HECW1: variants seen among roughly 807,000 people sequenced by gnomAD.
The protein encoded by HECW1 is HECT, C2 and WW domain containing E3 ubiquitin protein ligase 1, also known as E3 ubiquitin-protein ligase HECW1.
Under a neutral mutation model 182.3 loss-of-function variants are expected in HECW1, and 61 were observed. The ratio of observed to expected loss-of-function variants is 0.33; its 90% confidence interval spans 0.27 to 0.41. The LOEUF (loss-of-function observed/expected upper bound fraction) is 0.41, where lower values mean the gene tolerates loss of function less well. HECW1 is among the 10% of genes least tolerant of loss of function. The probability of loss-of-function intolerance (pLI) is 1.00; values close to 1 mark genes in which losing one functional copy is unlikely to be tolerated. For missense variants in HECW1, 1,739 were observed against 2,108.9 expected (o/e 0.82, Z 3.44); for synonymous variants, 859 against 832.6 (o/e 1.03, Z -0.55).
chr7:43,530,870 A>G (rs922704390), intron 24 of HECW1, among the ~76,000 whole-genome samples: 5 of 152,164 alleles, frequency 3.3e-5, no homozygotes, highest in African/African-American at 1.2e-4. Context: ...CCTAAAATCT[A>G]TATCCTTCAT....
chr7:43,487,952 CA>C (rs113183444), intron 17 of HECW1, among the ~76,000 whole-genome samples: 6 of 132,844 alleles, frequency 4.5e-5, no homozygotes, highest in African/African-American at 1.3e-4. Flanking sequence ...GAGACTGTCT[CA>C]AAAAAAAAGG....
At chr7:43,390,516 G>T (rs1309500438) in intron 6 of HECW1, among the ~76,000 whole-genome samples, 1 of 146,890 alleles carries the variant, frequency 6.8e-6, no homozygotes, top group Non-Finnish European at 1.5e-5. Context: ...ATCCAGCCTG[G>T]GTGGCACAGC....
chr7:43,365,926 T>C (rs1381817806), intron 6 of HECW1, among the ~76,000 whole-genome samples: 1 of 151,978 alleles, frequency 6.6e-6, no homozygotes, highest in Non-Finnish European at 1.5e-5. Context: ...AAACCCCATC[T>C]CTATAAAAAA....
chr7:43,340,630 G>C (rs528029701), intron 5 of HECW1, among the ~76,000 whole-genome samples: 2 of 151,734 alleles, frequency 1.3e-5, no homozygotes, highest in African/African-American at 4.9e-5. Flanking sequence ...TTTTTTGATT[G>C]TTTTTGAATT....
chr7:43,332,339 A>G (rs966384920), intron 5 of HECW1, among the ~76,000 whole-genome samples: 6 of 152,220 alleles, frequency 3.9e-5, no homozygotes, highest in African/African-American at 1.4e-4. Flanking sequence ...AAAGACTTCA[A>G]CAACCCAAGG....
Position 43,564,547 on chromosome 7 carries a change from A to G in HECW1, c.*2621A>G, listed in dbSNP as rs111465018. 7.9e-3 allele frequency: 1,483 copies of G among 188,200 alleles called. 21 individuals carry two copies. The highest frequency in any genetic ancestry group is 0.032 in the African/African-American group (1,375 of 42,974). 11.7% of individuals were successfully genotyped at this position (188,200 alleles called of 1,614,324 possible). On this transcript the variant is annotated 3_prime_UTR_variant, in exon 30 of 30. Coordinates refer to ENST00000395891, the MANE Select transcript of HECW1 (RefSeq NM_015052.5). ...CAGCTATAGATCTATCCCACAAAGCATAACAGGAACATTCTTTCACAAAAG... is the reference window on the plus strand; with the variant it reads ...CAGCTATAGATCTATCCCACAAAGCGTAACAGGAACATTCTTTCACAAAAG...
intron 28 of HECW1, among the ~76,000 whole-genome samples, chr7:43,553,786 G>T (rs1004793615): frequency 2.0e-5 from 3 of 151,718 alleles, no homozygotes; most frequent in African/African-American, 7.3e-5. Context: ...ACTGTTGCCT[G>T]CATATTTCCT....
chr7:43,486,553 G>A (rs549954855), intron 17 of HECW1, among the ~76,000 whole-genome samples: 4 of 152,232 alleles, frequency 2.6e-5, no homozygotes, highest in East Asian at 1.9e-4. Flanking sequence ...CACCTGCCTC[G>A]GCCTCCCAAA....
At chr7:43,294,036 C>T (rs927704291) in intron 3 of HECW1, among the ~76,000 whole-genome samples, 1 of 152,194 alleles carries the variant, frequency 6.6e-6, no homozygotes, top group Non-Finnish European at 1.5e-5. Flanking sequence ...AAAACACCCC[C>T]CACCACACAC....
chr7:43,422,269 C>T (rs989927031), intron 8 of HECW1, among the ~76,000 whole-genome samples: 2 of 152,116 alleles, frequency 1.3e-5, no homozygotes, highest in African/African-American at 2.4e-5. Context: ...TGCCAGACAA[C>T]TTAAAGAGTC....
intron 2 of HECW1, among the ~76,000 whole-genome samples, chr7:43,128,199 A>T (rs1463007724): frequency 1.3e-5 from 2 of 152,206 alleles, no homozygotes; most frequent in Non-Finnish European, 2.9e-5. Flanking sequence ...TTTTCAATGC[A>T]GATAAAACAA....
chr7:43,425,201 T>C (rs2076317537), intron 8 of HECW1, among the ~76,000 whole-genome samples: 1 of 148,662 alleles, frequency 6.7e-6, no homozygotes, highest in African/African-American at 2.5e-5. Context: ...CAGAAGTGGA[T>C]ATTTTATATA....
rs1461861336 is a variant in HECW1, at chr7:43,445,458, C to T, written c.2286C>T (p.Ser762=). Residue 762 remains serine (S), a synonymous_variant, in exon 11 of 30, where the codon TCC becomes TCT. Coordinates refer to ENST00000395891, the MANE Select transcript of HECW1 (RefSeq NM_015052.5). ...SMQSPELDPE[S]TNGAGPWQDE... ...AGAGCCCTGAGCTGGACCCGGAGTC[C>T]ACGAACGGCGCTGGGCCGTGGCAAG... The T allele has an allele frequency of 6.2e-7, 1 of 1,613,006 alleles. No individual in the cohort carries two copies. The highest frequency in any genetic ancestry group is 1.1e-5 in the South Asian group (1 of 91,084).
chr7:43,560,874 G>A (rs1334397301), intron 29 of HECW1, among the ~76,000 whole-genome samples: 1 of 152,182 alleles, frequency 6.6e-6, no homozygotes. Flanking sequence ...GTTGGTGTCT[G>A]AAAACACCAT....
intron 12 of HECW1, among the ~76,000 whole-genome samples, chr7:43,454,725 G>A (rs1449625805): frequency 6.6e-6 from 1 of 152,006 alleles, no homozygotes; most frequent in East Asian, 1.9e-4. Flanking sequence ...CCATAAATAT[G>A]CCAAATATAT....
At chr7:43,343,866 C>G (rs901374618) in intron 5 of HECW1, among the ~76,000 whole-genome samples, 3 of 151,816 alleles carry the variant, frequency 2.0e-5, no homozygotes, top group African/African-American at 7.3e-5. Flanking sequence ...AGTTTACACT[C>G]CCACCAACAG....
rs969495063 is a variant in HECW1, at chr7:43,565,339, A to G, written c.*3413A>G. 1 of 206,848 alleles carries G rather than the reference A, an allele frequency of 4.8e-6. No homozygotes were observed. The highest frequency in any genetic ancestry group is 9.9e-6 in the Non-Finnish European group (1 of 101,438). 12.8% of individuals were successfully genotyped at this position (206,848 alleles called of 1,614,324 possible). A position where few individuals can be genotyped will look rare whatever the true frequency, so the allele number is the denominator to read the frequency against. On this transcript the variant is annotated 3_prime_UTR_variant, in exon 30 of 30. Transcript: ENST00000395891. Reference sequence around the variant, plus strand: ...CTAAATTTTCTTTTAATACATGACCATATGTCCTTGAACAGTAAGTATATT... The same window carrying G: ...CTAAATTTTCTTTTAATACATGACCGTATGTCCTTGAACAGTAAGTATATT...
intron 3 of HECW1, among the ~76,000 whole-genome samples, chr7:43,259,953 A>T (rs974913644): frequency 2.0e-5 from 3 of 152,210 alleles, no homozygotes; most frequent in Non-Finnish European, 4.4e-5. Flanking sequence ...CAATCTATAG[A>T]TTCAAGAATC....
chr7:43,178,481 T>C (rs1218483527), intron 2 of HECW1, among the ~76,000 whole-genome samples: 1 of 152,214 alleles, frequency 6.6e-6, no homozygotes, highest in Non-Finnish European at 1.5e-5. Flanking sequence ...CTTGGTAACA[T>C]GAAAGAAAGT....
Sources: allele counts gnomAD v4.1 joint callset (sites outside exome capture counted in the v4.1 genomes callset), GRCh38; gene constraint gnomAD v4.1.1; transcripts MANE v1.5; gene names NCBI Gene and HGNC (gene_info 2026-07-23, HGNC 2026-07-21).